MCOLN2: variants seen among roughly 807,000 people sequenced by gnomAD.
The protein encoded by MCOLN2 is mucolipin-2.
Under a neutral mutation model 67.5 loss-of-function variants are expected in MCOLN2, and 57 were observed. The observed-to-expected ratio is 0.84, with a 90% CI of 0.68 to 1.05. MCOLN2 has a LOEUF of 1.05. MCOLN2 is among the 50% of genes least tolerant of loss of function. The pLI is 0.00. For missense variants in MCOLN2, 620 were observed against 678.8 expected (o/e 0.91, Z 0.96); for synonymous variants, 246 against 233.3 (o/e 1.05, Z -0.50).
At position 84,952,558 on chromosome 1, in the gene MCOLN2, T is replaced by A. The variant is rs546202157; in HGVS notation, c.566-28A>T. Reference sequence around the variant, plus strand: ...AGGGCAATGAAAGAACAAGAAATGGTTGTTTCAGGCAAGAATTAGGTGCTA... The same window carrying A: ...AGGGCAATGAAAGAACAAGAAATGGATGTTTCAGGCAAGAATTAGGTGCTA... On this transcript the variant is annotated intron_variant, in intron 4 of 13. Coordinates refer to ENST00000370608, the MANE Select transcript of MCOLN2 (RefSeq NM_153259.4). 22 of 1,479,412 alleles carry A rather than the reference T, an allele frequency of 1.5e-5. No homozygotes were observed. In the South Asian group the frequency reaches 2.3e-4, roughly 15 times the overall value. 91.6% of individuals were successfully genotyped at this position (1,479,412 alleles called of 1,614,324 possible). A position where few individuals can be genotyped will look rare whatever the true frequency, so the allele number is the denominator to read the frequency against.
chr1:84,956,492 G>C lies in MCOLN2; in HGVS notation c.504C>G (p.Tyr168Ter), dbSNP rs1239054462. ...TAGAAGGAAACATGGTCCCTTTCTTGTAATGCTGCTTACAGACTTTTAAGC... is the reference window on the plus strand; with the variant it reads ...TAGAAGGAAACATGGTCCCTTTCTTCTAATGCTGCTTACAGACTTTTAAGC... ...RIGLKVCKQH[Y>*]KKGTMFPSNE... The change falls in exon 4 of 14, where the codon TAC becomes TAG. Residue 168 changes from tyrosine (Y) to a stop codon, truncating the protein, a stop_gained. Coordinates refer to ENST00000370608, the MANE Select transcript of MCOLN2 (RefSeq NM_153259.4). LOFTEE classifies it high-confidence loss of function. The C allele has an allele frequency of 8.7e-6, 14 of 1,611,784 alleles. No homozygotes were observed. The highest frequency in any genetic ancestry group is 1.1e-5 in the Non-Finnish European group (13 of 1,179,224).
At chr1:84,992,642 A>G (rs1650947363) in intron 1 of MCOLN2, among the ~76,000 whole-genome samples, 1 of 152,250 alleles carries the variant, frequency 6.6e-6, no homozygotes, top group Non-Finnish European at 1.5e-5. Context: ...ACCACAATAA[A>G]GCAAATACTG....
intron 2 of MCOLN2, among the ~76,000 whole-genome samples, chr1:84,964,119 T>A (rs1649246524): frequency 6.6e-6 from 1 of 152,184 alleles, no homozygotes; most frequent in Admixed American, 6.5e-5. Flanking sequence ...AAGCTAACAA[T>A]AAGCATACAC....
At chr1:84,927,277 A>G (rs1661210496) in intron 13 of MCOLN2, among the ~76,000 whole-genome samples, 1 of 152,140 alleles carries the variant, frequency 6.6e-6, no homozygotes, top group Non-Finnish European at 1.5e-5. Context: ...TTTCTGGAAA[A>G]AAAAAAAGAA....
intron 7 of MCOLN2, among the ~76,000 whole-genome samples, chr1:84,942,445 T>C (rs1043643246): frequency 1.3e-5 from 2 of 152,180 alleles, no homozygotes; most frequent in African/African-American, 4.8e-5. Flanking sequence ...CTCTGAAAAG[T>C]GGGTAGAATT....
intron 4 of MCOLN2, among the ~76,000 whole-genome samples, chr1:84,955,893 C>G (rs966414521): frequency 6.6e-6 from 1 of 152,048 alleles, no homozygotes; most frequent in Non-Finnish European, 1.5e-5. Context: ...AAGTCTTAAG[C>G]CAAACACCTC....
chr1:84,948,235 G>A (rs757637637), intron 6 of MCOLN2, among the ~76,000 whole-genome samples: 2 of 152,194 alleles, frequency 1.3e-5, no homozygotes, highest in African/African-American at 4.8e-5. Context: ...TGTCCAGCCC[G>A]ACAACAAGTC....
chr1:84,940,378 A>G (rs1647691582), intron 8 of MCOLN2, among the ~76,000 whole-genome samples: 2 of 152,234 alleles, frequency 1.3e-5, no homozygotes, highest in South Asian at 4.1e-4. Flanking sequence ...GGAAGTATAT[A>G]TTCATAAGAG....
intron 1 of MCOLN2, among the ~76,000 whole-genome samples, chr1:84,966,411 G>A (rs1176071212): frequency 1.3e-5 from 2 of 152,126 alleles, no homozygotes; most frequent in Non-Finnish European, 2.9e-5. Context: ...GTTTGTGTGA[G>A]TGTGTGTGTA....
intron 1 of MCOLN2, chr1:84,971,966 C>T (rs1649712492): frequency 6.6e-6 from 1 of 152,158 alleles, no homozygotes; most frequent in African/African-American, 2.4e-5. Flanking sequence ...GAGGCTGAGG[C>T]ACAAGAATCA....
At chr1:84,970,541 T>C (rs1407311809) in intron 1 of MCOLN2, among the ~76,000 whole-genome samples, 1 of 149,572 alleles carries the variant, frequency 6.7e-6, no homozygotes, top group East Asian at 2.0e-4. Context: ...ATAACAGGCA[T>C]GTGTGGTGGC....
rs1047691288 is a variant in MCOLN2, at chr1:84,948,018, T to C, written c.748-886A>G. ...GCTGGTGTGCTGTGCTTGTGCACACTTGGGCCACACAGTTGGCTGTCTCTC... is the reference window on the plus strand; with the variant it reads ...GCTGGTGTGCTGTGCTTGTGCACACCTGGGCCACACAGTTGGCTGTCTCTC... On this transcript the variant is annotated intron_variant, in intron 6 of 13. Transcript: ENST00000370608. Among the ~76,000 whole-genome samples, 7 of 152,376 alleles carry C rather than the reference T, an allele frequency of 4.6e-5. No homozygotes were observed. In the East Asian group the frequency reaches 1.4e-3, roughly 29 times the overall value.
chr1:84,982,423 C>A lies in MCOLN2; in HGVS notation c.77+14373G>T, dbSNP rs1650302904. Among the ~76,000 whole-genome samples the A allele has an allele frequency of 2.0e-5, 3 of 152,200 alleles. No individual in the cohort carries two copies. In the South Asian group the frequency reaches 6.2e-4, roughly 31 times the overall value. On this transcript the variant is annotated intron_variant, in intron 1 of 13. Transcript: ENST00000370608. ...AAATGCTAGGATTACAGGCAATGAG[C>A]CACCATGTCCAGCCTGGCAATTCAT... is the stretch of plus-strand genomic sequence containing the variant.
chr1:84,932,029 A>AACACACACAC (rs55925234), intron 11 of MCOLN2, among the ~76,000 whole-genome samples: 1 of 148,530 alleles, frequency 6.7e-6, no homozygotes, highest in Admixed American at 6.7e-5. Flanking sequence ...GTCTCTTTAA[A>AACACACACAC]ACACACACAC....
chr1:84,996,554 G>T (rs981594785), intron 1 of MCOLN2, among the ~76,000 whole-genome samples: 1 of 151,836 alleles, frequency 6.6e-6, no homozygotes, highest in African/African-American at 2.4e-5. Flanking sequence ...CCAACCGGCT[G>T]AACTGTGCGC....
Position 84,939,696 on chromosome 1 carries a change from G to A in MCOLN2, c.967C>T (p.Leu323=), listed in dbSNP as rs752790243. 7.4e-6 allele frequency: 12 copies of A among 1,613,786 alleles called. No individual in the cohort carries two copies. In the Admixed American group the frequency reaches 2.0e-4, roughly 27 times the overall value. The change falls in exon 9 of 14, where the codon CTA becomes TTA. Residue 323 remains leucine, a synonymous_variant. Coordinates refer to ENST00000370608, the MANE Select transcript of MCOLN2 (RefSeq NM_153259.4). The stretch of plus-strand genomic sequence containing the variant: ...TTGTACTTCTCCAGGAAGAAATTTA[G>A]AAATCTCTATGGCAAACATTTAAAG... The part of the protein sequence containing the change: ...VLALRLRKRF[L]NFFLEKYKRP...
At chr1:84,958,770 A>G in intron 2 of MCOLN2, 68 bp from the exon 3 acceptor site, 1 of 1,182,842 alleles carries the variant, frequency 8.5e-7, no homozygotes, top group Non-Finnish European at 1.2e-6. Flanking sequence ...ATGTCTTCTC[A>G]CTATCATCAA....
At chr1:84,956,377 T>C in intron 4 of MCOLN2, 54 bp downstream of exon 4, 1 of 1,576,490 alleles carries the variant, frequency 6.3e-7, no homozygotes, top group Non-Finnish European at 8.6e-7. Flanking sequence ...TGAGGGCATT[T>C]CTGCTCTTAC....
At chr1:84,986,307 G>C (rs896782090) in intron 1 of MCOLN2, among the ~76,000 whole-genome samples, 2 of 152,164 alleles carry the variant, frequency 1.3e-5, no homozygotes, top group African/African-American at 4.8e-5. Context: ...TTGGGAGACC[G>C]AGGTGGGCAG....
Sources: allele counts gnomAD v4.1 joint callset (sites outside exome capture counted in the v4.1 genomes callset), GRCh38; gene constraint gnomAD v4.1.1; transcripts MANE v1.5; gene names NCBI Gene and HGNC (gene_info 2026-07-23, HGNC 2026-07-21).